Variants in FSTL5 observed in about 807,000 individuals in gnomAD.
The protein encoded by FSTL5 is follistatin-related protein 5.
FSTL5 carries 62 observed loss-of-function variants against 89.1 expected under a neutral mutation model. The observed-to-expected ratio is 0.70, with a 90% CI of 0.57 to 0.86. FSTL5 has a LOEUF of 0.86. Ranked by LOEUF, FSTL5 falls within the 40% of genes least tolerant of loss-of-function variation. The probability of loss-of-function intolerance (pLI) is 0.00; values close to 1 mark genes in which losing one functional copy is unlikely to be tolerated. For synonymous variants in FSTL5, 383 were observed against 346.2 expected (o/e 1.11, Z -1.18); for missense variants, 1,057 against 1,001.6 (o/e 1.06, Z -0.75).
chr4:161,980,257 A>C (rs1024223264), intron 3 of FSTL5, among the ~76,000 whole-genome samples: 20 of 47,610 alleles, frequency 4.2e-4, no homozygotes, highest in Admixed American at 1.5e-3. Context: ...GAAGGAAGAA[A>C]GAAAAAAGAA....
intron 2 of FSTL5, among the ~76,000 whole-genome samples, chr4:162,100,102 A>G (rs1730929396): frequency 6.6e-6 from 1 of 152,240 alleles, no homozygotes; most frequent in Non-Finnish European, 1.5e-5. Context: ...GTATGTCCAC[A>G]GAAAAATCTG....
intron 1 of FSTL5, among the ~76,000 whole-genome samples, chr4:162,134,285 A>G (rs577981807): frequency 6.6e-6 from 1 of 152,298 alleles, no homozygotes; most frequent in South Asian, 2.1e-4. Flanking sequence ...CTGAGGGAGA[A>G]TAATTTTTGT....
chr4:161,561,827 G>A (rs1467652307), intron 8 of FSTL5, among the ~76,000 whole-genome samples: 1 of 151,938 alleles, frequency 6.6e-6, no homozygotes, highest in Non-Finnish European at 1.5e-5. Context: ...AGTTTGGAGG[G>A]CAGAAGAAAA....
At chr4:161,770,431 C>A (rs1741167032) in intron 5 of FSTL5, among the ~76,000 whole-genome samples, 1 of 151,914 alleles carries the variant, frequency 6.6e-6, no homozygotes. Flanking sequence ...CTGTATATTG[C>A]ATCCCTATAT....
intron 2 of FSTL5, among the ~76,000 whole-genome samples, chr4:162,085,155 A>C (rs1467921057): frequency 6.6e-6 from 1 of 152,062 alleles, no homozygotes; most frequent in Non-Finnish European, 1.5e-5. Context: ...TGTCCCAACA[A>C]ATATTTTACA....
At chr4:161,817,526 G>T (rs558873071) in intron 4 of FSTL5, among the ~76,000 whole-genome samples, 1 of 152,136 alleles carries the variant, frequency 6.6e-6, no homozygotes, top group Middle Eastern at 3.4e-3. Context: ...AAATAAAAAA[G>T]AAAAATCACT....
chr4:161,547,261 G>C (rs1375504826), intron 8 of FSTL5, among the ~76,000 whole-genome samples: 1 of 152,134 alleles, frequency 6.6e-6, no homozygotes, highest in South Asian at 2.1e-4. Context: ...TCAGAAAAGA[G>C]ATTGTGCCAG....
At chr4:162,112,775 T>TCACACACACACACACACACA (rs71598742) in intron 1 of FSTL5, among the ~76,000 whole-genome samples, 14 of 139,424 alleles carry the variant, frequency 1.0e-4, no homozygotes, top group South Asian at 2.4e-4. Context: ...ACCGACACAA[T>TCACACACACACACACACACA]CACACACACA....
chr4:162,099,061 G>A (rs1222102334), intron 2 of FSTL5, among the ~76,000 whole-genome samples: 1 of 151,994 alleles, frequency 6.6e-6, no homozygotes, highest in African/African-American at 2.4e-5. Flanking sequence ...AGGTGCATGT[G>A]ATAGTTTGAT....
chr4:161,411,904 C>G (rs1340527249), intron 15 of FSTL5, among the ~76,000 whole-genome samples: 2 of 152,170 alleles, frequency 1.3e-5, no homozygotes, highest in Non-Finnish European at 2.9e-5. Flanking sequence ...TTCAAACTAT[C>G]TCTCTTCACT....
At chr4:161,410,524 A>C (rs28834751) in intron 15 of FSTL5, among the ~76,000 whole-genome samples, 16,224 of 152,224 alleles carry the variant, frequency 0.11, 862 homozygotes, top group Non-Finnish European at 0.12. Context: ...GTAACAAGCA[A>C]ACTCTTGGAC....
intron 6 of FSTL5, among the ~76,000 whole-genome samples, chr4:161,685,421 T>A (rs538911148): frequency 6.6e-6 from 1 of 152,302 alleles, no homozygotes; most frequent in African/African-American, 2.4e-5. Context: ...CCATGATTTC[T>A]TTCAGTGGTG....
intron 6 of FSTL5, among the ~76,000 whole-genome samples, chr4:161,682,354 G>T (rs993062830): frequency 2.0e-5 from 3 of 152,056 alleles, no homozygotes; most frequent in Non-Finnish European, 4.4e-5. Flanking sequence ...CTCACTGTAA[G>T]TTTTTACTTT....
intron 15 of FSTL5, among the ~76,000 whole-genome samples, chr4:161,412,145 A>G (rs1422927310): frequency 6.6e-6 from 1 of 152,128 alleles, no homozygotes; most frequent in Non-Finnish European, 1.5e-5. Context: ...AGGGTGAAAG[A>G]CCTCTACAAA....
intron 15 of FSTL5, among the ~76,000 whole-genome samples, chr4:161,404,619 G>A (rs752916875): frequency 2.0e-4 from 31 of 151,652 alleles, no homozygotes; most frequent in Non-Finnish European, 3.7e-4. Context: ...TAAACCACAA[G>A]CTGGTCAAAA....
At chr4:161,505,066 C>T (rs17041126) in intron 11 of FSTL5, among the ~76,000 whole-genome samples, 22,787 of 151,880 alleles carry the variant, frequency 0.15, 2,175 homozygotes, top group East Asian at 0.37. Flanking sequence ...CAATAAATTA[C>T]GGTGTTATAC....
intron 12 of FSTL5, among the ~76,000 whole-genome samples, chr4:161,488,039 A>T (rs2126464619): frequency 6.6e-6 from 1 of 150,600 alleles, no homozygotes; most frequent in East Asian, 1.9e-4. Context: ...GCTTTGCAAT[A>T]TTGGAAAAAA....
chr4:162,004,317 AC>A (rs1736550418), intron 3 of FSTL5, among the ~76,000 whole-genome samples: 3 of 152,146 alleles, frequency 2.0e-5, no homozygotes, highest in African/African-American at 7.2e-5. Context: ...ACTTATTACA[AC>A]CAATCCATTA....
rs538146441 is a variant in FSTL5, at chr4:161,990,279, A to G, written c.160+43346T>C. ...AGACAATCAAATACACTGGAAAAAT[A>G]TAATAGACTCTAACAAAATGCCTTC... On this transcript the variant is annotated intron_variant, in intron 3 of 15. Transcript: ENST00000306100. Among the ~76,000 whole-genome samples, 6 of 152,258 alleles carry G rather than the reference A, an allele frequency of 3.9e-5. No individual in the cohort carries two copies. The East Asian group carries it at 7.7e-4, about 20-fold the overall frequency.
Sources: allele counts gnomAD v4.1 joint callset (sites outside exome capture counted in the v4.1 genomes callset), GRCh38; gene constraint gnomAD v4.1.1; transcripts MANE v1.5; gene names NCBI Gene and HGNC (gene_info 2026-07-23, HGNC 2026-07-21).